The following LPA variants were observed in gnomAD, a reference collection of about 807,000 sequenced individuals.
LPA encodes the protein lipoprotein(a).
Under a neutral mutation model 197.9 loss-of-function variants are expected in LPA, and 199 were observed. The observed-to-expected ratio is 1.01, with a 90% confidence interval of 0.90 to 1.13. The LOEUF (loss-of-function observed/expected upper bound fraction) is 1.13. Ranked by LOEUF, LPA falls within the 50% of genes most tolerant of loss-of-function variation. The probability of loss-of-function intolerance (pLI) is 0.00; values close to 1 mark genes in which losing one functional copy is unlikely to be tolerated. For synonymous variants in LPA, 715 were observed against 639.5 expected, an observed-to-expected ratio of 1.12 and a Z score of -1.78; for missense variants, 1,853 against 1,785.8, an observed-to-expected ratio of 1.04 and a Z score of -0.68.
Position 160,654,443 on chromosome 6 carries a change from C to T in LPA, c.50-3946G>A, listed in dbSNP as rs1324268140. ...TTAATCTCCTTTTGCCACACCCTCA[C>T]AGACATAACCGAGATTAATACTTTG... On this transcript the variant is annotated intron_variant, in intron 1 of 38. Transcript: ENST00000316300. Among the ~76,000 whole-genome samples the T allele has an allele frequency of 3.3e-5, 5 of 151,956 alleles. No individual in the cohort carries two copies. The East Asian group carries it at 9.7e-4, about 29-fold the overall frequency.
rs933099573 is a variant in LPA at position 160,589,727 on chromosome 6, G to A, written c.3788-15C>T. 6.2e-7 allele frequency: 1 copy of A among 1,613,490 alleles called. No individual in the cohort carries two copies. Among genetic ancestry groups the A allele is most frequent in the African/African-American group, 1.3e-5 (1 of 74,856 alleles). ...CTCCGTTGGTGCTGAAATTCAAAGAGGAGAAAACAAACTGAGTAATTTCCA... is the reference window on the plus strand; with the variant it reads ...CTCCGTTGGTGCTGAAATTCAAAGAAGAGAAAACAAACTGAGTAATTTCCA... On this transcript the variant is annotated splice_polypyrimidine_tract_variant and intron_variant, in intron 23 of 38. Coordinates refer to ENST00000316300, the MANE Select transcript of LPA (RefSeq NM_005577.4).
intron 1 of LPA, among the ~76,000 whole-genome samples, chr6:160,663,374 G>A (rs777249365): frequency 6.6e-6 from 1 of 152,078 alleles, no homozygotes; most frequent in Non-Finnish European, 1.5e-5. Flanking sequence ...CCTTGATTTG[G>A]GAATTTGGTC....
At chr6:160,544,221 A>G (rs1778027910) in intron 33 of LPA, among the ~76,000 whole-genome samples, 1 of 152,134 alleles carries the variant, frequency 6.6e-6, no homozygotes, top group Admixed American at 6.5e-5. Flanking sequence ...CAGCCTGTCA[A>G]GGATAGAGAG....
chr6:160,656,803 A>G (rs994645429), intron 1 of LPA, among the ~76,000 whole-genome samples: 5 of 152,184 alleles, frequency 3.3e-5, no homozygotes, highest in African/African-American at 1.2e-4. Flanking sequence ...TTGAGGGCCC[A>G]TGATTCTCTG....
chr6:160,571,742 C>A (rs539629590), intron 28 of LPA, among the ~76,000 whole-genome samples: 2 of 152,332 alleles, frequency 1.3e-5, no homozygotes, highest in Admixed American at 1.3e-4. Flanking sequence ...GCTTGAGCGT[C>A]CCAGGTCAAC....
At chr6:160,534,775 GC>G (rs1247584693) in intron 37 of LPA, among the ~76,000 whole-genome samples, 1 of 152,196 alleles carries the variant, frequency 6.6e-6, no homozygotes. Context: ...GAGACTGGGA[GC>G]CCAGTGCAGG....
At chr6:160,545,568 G>A (rs1367027502) in intron 32 of LPA, 35 bp from the exon 33 acceptor site, 16 of 1,243,550 alleles carry the variant, frequency 1.3e-5, no homozygotes, top group South Asian at 2.4e-5. Context: ...TCCAGCTCAC[G>A]TGGAGCAGGA....
chr6:160,599,198 C>G (rs1562338489), intron 20 of LPA, among the ~76,000 whole-genome samples: 1 of 152,070 alleles, frequency 6.6e-6, no homozygotes, highest in Non-Finnish European at 1.5e-5. Flanking sequence ...AAAAAATTAG[C>G]CGGGTGTGGT....
intron 30 of LPA, among the ~76,000 whole-genome samples, chr6:160,551,560 A>C (rs1483710174): frequency 6.6e-6 from 1 of 152,250 alleles, no homozygotes; most frequent in East Asian, 1.9e-4. Flanking sequence ...AATTTGTTTT[A>C]TTTTATAGTG....
intron 28 of LPA, among the ~76,000 whole-genome samples, chr6:160,576,370 A>ACATATATATATATATGTATG (rs1778666983): frequency 1.9e-4 from 2 of 10,258 alleles, no homozygotes; most frequent in South Asian, 4.0e-3. Context: ...ATATATACAT[A>ACATATATATATATATGTATG]TATATATATA....
At position 160,545,517 on chromosome 6, in the gene LPA, T is replaced by C. The variant is rs756196821; in HGVS notation, c.5321A>G (p.Asp1774Gly). 9.9e-6 allele frequency: 16 copies of C among 1,612,910 alleles called. No individual in the cohort carries two copies. Among genetic ancestry groups the C allele is most frequent in the East Asian group, 2.2e-5 (1 of 44,856 alleles). ...GCACCAGGGACCATTGATGTCACCA[T>C]CAGGGTTACGGCAGTACTGAAAACA... ...GLEKNYCRNPDGDINGPWCYT... is the reference protein window; with the variant it reads ...GLEKNYCRNPGGDINGPWCYT... The change falls in exon 33 of 39, where the codon GAT (aspartate) becomes GGT (glycine). Residue 1774 changes from aspartate (D) to glycine (G), a missense_variant. Around this residue, in one of 3 missense-constraint regions of LPA, gnomAD observed 1,737 missense variants for 1,504.4 expected, o/e 1.15. Transcript: ENST00000316300.
chr6:160,648,132 C>A (rs1028321026), intron 2 of LPA, among the ~76,000 whole-genome samples: 1 of 152,160 alleles, frequency 6.6e-6, no homozygotes, highest in South Asian at 2.1e-4. Flanking sequence ...GCTCTTCTTT[C>A]TTACGTTTAT....
At chr6:160,534,081 T>C (rs958646073) in intron 37 of LPA, among the ~76,000 whole-genome samples, 2 of 151,610 alleles carry the variant, frequency 1.3e-5, no homozygotes, top group African/African-American at 4.9e-5. Context: ...TAGATCATTG[T>C]CTTCGGTGTC....
In LPA at chr6:160,575,386, A is replaced by G. The variant is rs531498621; in HGVS notation, c.4631+1750T>C. On this transcript the variant is annotated intron_variant, in intron 28 of 38. Transcript: ENST00000316300. ...GTATTGAATGATTTTTCTCCTGGTT[A>G]TGGATCACACTAAATGCTTCTTGTA... 5.1e-4 allele frequency among the ~76,000 whole-genome samples: 77 copies of G among 152,318 alleles called. 2 individuals carry two copies. The highest frequency in any genetic ancestry group is 1.8e-3 in the African/African-American group (73 of 41,568).
chr6:160,535,302 G>A lies in LPA; in HGVS notation c.5842+2553C>T, dbSNP rs1168299547. Among the ~76,000 whole-genome samples the A allele has an allele frequency of 1.3e-4, 11 of 86,928 alleles. No individual in the cohort carries two copies. In the Admixed American group the frequency reaches 1.4e-3, roughly 11 times the overall value. The allele number at this position is 86,928 out of a possible 152,430, so 57.0% of individuals were successfully genotyped here. On this transcript the variant is annotated intron_variant, in intron 37 of 38. Transcript: ENST00000316300. Reference sequence around the variant, plus strand: ...TGATGGTGATAGTGATGATGGTGGTGGTAATGTTAATGGTGATGGCAGTAG... The same window carrying A: ...TGATGGTGATAGTGATGATGGTGGTAGTAATGTTAATGGTGATGGCAGTAG...
intron 1 of LPA, among the ~76,000 whole-genome samples, chr6:160,662,327 G>A (rs992101877): frequency 6.6e-6 from 1 of 152,200 alleles, no homozygotes; most frequent in Non-Finnish European, 1.5e-5. Flanking sequence ...GTGTGTGAAT[G>A]TGTATGCATA....
chr6:160,626,447 A>AATTT (rs1301737443), intron 10 of LPA, among the ~76,000 whole-genome samples: 2 of 98,484 alleles, frequency 2.0e-5, no homozygotes, highest in Admixed American at 9.7e-5. Context: ...GTGTGTTTTC[A>AATTT]GTTTGTGTGT....
In LPA at chr6:160,540,088, A is replaced by G; in HGVS notation, c.5690T>C (p.Phe1897Ser). ...HVQEIEVSRL[F>S]LEPTQADIAL... ...AATATCTGCTTGTGTGGGCTCCAAG[A>G]ACAGCCTAGACACTTCTATTTCCTG... is the stretch of plus-strand genomic sequence containing the variant. Residue 1897 changes from phenylalanine (F) to serine (S), a missense_variant, in exon 36 of 39, where the codon TTC (phenylalanine) becomes TCC (serine). Physicochemically the swap from Phe to Ser is radical, Grantham distance 155. This residue lies in a region of LPA where 1,737 missense variants were observed against 1,504.4 expected (regional missense o/e 1.15). Coordinates refer to ENST00000316300, the MANE Select transcript of LPA (RefSeq NM_005577.4). The G allele has an allele frequency of 6.2e-7, 1 of 1,614,122 alleles. No individual in the cohort carries two copies. The highest frequency in any genetic ancestry group is 8.5e-7 in the Non-Finnish European group (1 of 1,180,032).
intron 20 of LPA, among the ~76,000 whole-genome samples, chr6:160,595,894 T>C (rs1255922883): frequency 6.6e-6 from 1 of 152,196 alleles, no homozygotes; most frequent in Non-Finnish European, 1.5e-5. Flanking sequence ...TACAAGAGGA[T>C]CAGAATACCC....
Sources: allele counts gnomAD v4.1 joint callset (sites outside exome capture counted in the v4.1 genomes callset), GRCh38; gene constraint gnomAD v4.1.1; regional missense constraint gnomAD v4.1.1; transcripts MANE v1.5; gene names NCBI Gene and HGNC (gene_info 2026-07-23, HGNC 2026-07-21).